The following MSI2 variants were observed in gnomAD, a reference collection of about 807,000 sequenced individuals.
MSI2 encodes RNA-binding protein Musashi homolog 2.
Under a neutral mutation model 45.6 loss-of-function variants are expected in MSI2, and 17 were observed. The observed-to-expected ratio is 0.37, with a 90% CI of 0.26 to 0.56. The LOEUF (loss-of-function observed/expected upper bound fraction) is 0.56, where lower values mean the gene tolerates loss of function less well. Among genes scored for constraint, MSI2 ranks in the 20% least tolerant of loss-of-function variants. The pLI is 0.77. For synonymous variants in MSI2, 156 were observed against 158.2 expected, an observed-to-expected ratio of 0.99 and a Z score of 0.11; for missense variants, 293 against 444.2, an observed-to-expected ratio of 0.66 and a Z score of 3.06.
upstream of MSI2, among the ~76,000 whole-genome samples, chr17:57,256,207 C>G (rs1007043626): frequency 6.6e-6 from 1 of 152,050 alleles, no homozygotes; most frequent in African/African-American, 2.4e-5. Context: ...CACCCGCCCC[C>G]CGCAGCCCAT....
intron 9 of MSI2, 181 bp downstream of exon 9, chr17:57,616,265 GTGTGTGTGTGCATGCA>G (rs1907685724): frequency 3.5e-6 from 2 of 571,568 alleles, no homozygotes; most frequent in Admixed American, 3.2e-5. Context: ...AAGTGTGGGT[GTGTGTGTGTGCATGCA>G]TGTGTGTGTG....
intron 6 of MSI2, among the ~76,000 whole-genome samples, chr17:57,512,572 G>T (rs532907391): frequency 6.6e-6 from 1 of 152,210 alleles, no homozygotes; most frequent in Non-Finnish European, 1.5e-5. Context: ...CTCAGAGGCC[G>T]CAGAGTCTTA....
At chr17:57,667,302 C>T (rs1053470270) in intron 11 of MSI2, among the ~76,000 whole-genome samples, 11 of 152,138 alleles carry the variant, frequency 7.2e-5, no homozygotes, top group Admixed American at 5.2e-4. Flanking sequence ...TAAAACACCG[C>T]CTGCTTCAGC....
At chr17:57,419,497 G>C (rs2084357381) in intron 6 of MSI2, among the ~76,000 whole-genome samples, 1 of 151,346 alleles carries the variant, frequency 6.6e-6, no homozygotes, top group African/African-American at 2.4e-5. Context: ...CGAGTAGCTG[G>C]GATTACAGGT....
At position 57,479,275 on chromosome 17, in the gene MSI2, A is replaced by C. The variant is rs184860583; in HGVS notation, c.406-50401A>C. On this transcript the variant is annotated intron_variant, in intron 6 of 13. Transcript: ENST00000284073. ...GGGCTTTGAGTGTTGGGGTTGAGGGAGAGGCAGCCCCTTTTGCCTTGCGTA... is the reference window on the plus strand; with the variant it reads ...GGGCTTTGAGTGTTGGGGTTGAGGGCGAGGCAGCCCCTTTTGCCTTGCGTA... 5.3e-3 allele frequency among the ~76,000 whole-genome samples: 800 copies of C among 152,268 alleles called. 15 individuals are homozygous for C. Among genetic ancestry groups the C allele is most frequent in the Non-Finnish European group, 3.6e-3 (242 of 68,032 alleles).
At chr17:57,281,483 G>C (rs1452194513) in intron 5 of MSI2, among the ~76,000 whole-genome samples, 1 of 151,996 alleles carries the variant, frequency 6.6e-6, no homozygotes, top group Non-Finnish European at 1.5e-5. Context: ...TTACTCTCCA[G>C]ATCCCTTCCA....
intron 6 of MSI2, chr17:57,432,546 T>C (rs1288424053): frequency 2.0e-5 from 3 of 152,418 alleles, no homozygotes; most frequent in African/African-American, 7.2e-5. Flanking sequence ...CTTAGAGATG[T>C]TTATGCTCAT....
intron 11 of MSI2, among the ~76,000 whole-genome samples, chr17:57,662,858 C>T (rs899684874): frequency 3.3e-5 from 5 of 152,226 alleles, no homozygotes; most frequent in Non-Finnish European, 5.9e-5. Context: ...GCACTCAGAC[C>T]AATGTCAGAC....
chr17:57,270,338 G>A (rs57281088), intron 5 of MSI2, among the ~76,000 whole-genome samples: 1,728 of 152,274 alleles, frequency 0.011, 35 homozygotes, highest in African/African-American at 0.04. Flanking sequence ...CATAGAACTA[G>A]TAAGGTTCAG....
Position 57,419,594 on chromosome 17 carries a change from G to A in MSI2, c.405+18123G>A, listed in dbSNP as rs988110605. On this transcript the variant is annotated intron_variant, in intron 6 of 13. Transcript: ENST00000284073. Reference sequence around the variant, plus strand: ...TCACCATGTTGGCCAGGCTGGTCTCGAACTCCTGACCTCAGGTGATCCACC... The same window carrying A: ...TCACCATGTTGGCCAGGCTGGTCTCAAACTCCTGACCTCAGGTGATCCACC... Among the ~76,000 whole-genome samples the A allele has an allele frequency of 4.0e-5, 6 of 150,502 alleles. No homozygotes were observed. The South Asian group carries it at 6.3e-4, about 16-fold the overall frequency.
intron 11 of MSI2, among the ~76,000 whole-genome samples, chr17:57,655,337 C>G (rs1414846993): frequency 6.6e-6 from 1 of 152,216 alleles, no homozygotes; most frequent in South Asian, 2.1e-4. Flanking sequence ...GTGGCCCCAT[C>G]ATGTCCCACC....
rs745740723 is a variant in MSI2, at chr17:57,453,671, C to G, written c.405+52200C>G. 4.5e-4 allele frequency among the ~76,000 whole-genome samples: 68 copies of G among 152,320 alleles called. 1 individual carries two copies. The Middle Eastern group carries it at 0.01, about 23-fold the overall frequency. The stretch of plus-strand genomic sequence containing the variant: ...ATTACTTCATTTAACCTATCTATGC[C>G]TAGTGTTCCATTATCGGAACGCCAA... On this transcript the variant is annotated intron_variant, in intron 6 of 13. Coordinates refer to ENST00000284073, the MANE Select transcript of MSI2 (RefSeq NM_138962.4).
intron 6 of MSI2, among the ~76,000 whole-genome samples, chr17:57,520,697 A>C (rs1019614504): frequency 1.3e-5 from 2 of 152,182 alleles, no homozygotes; most frequent in African/African-American, 4.8e-5. Flanking sequence ...TCTGTCGCCC[A>C]GGCTGGAGTG....
At chr17:57,457,251 G>A (rs2085133682) in intron 6 of MSI2, among the ~76,000 whole-genome samples, 1 of 152,146 alleles carries the variant, frequency 6.6e-6, no homozygotes, top group East Asian at 1.9e-4. Flanking sequence ...CCATTTCTCT[G>A]GACAGAATTG....
At chr17:57,696,333 A>C in the MSI2 span, among the ~76,000 whole-genome samples, 2 of 152,372 alleles carry the variant, frequency 1.3e-5, no homozygotes, top group South Asian at 4.1e-4. Flanking sequence ...TCCAGCCAAG[A>C]CAGACCATGG....
intron 7 of MSI2, among the ~76,000 whole-genome samples, chr17:57,580,764 T>TTCAAATAGGTGAGG (rs1466179643): frequency 6.6e-6 from 1 of 152,004 alleles, no homozygotes; most frequent in African/African-American, 2.4e-5. Context: ...ACTAGGTGAG[T>TTCAAATAGGTGAGG]TCAAATACAC....
At chr17:57,396,161 C>G (rs970709239) in intron 5 of MSI2, among the ~76,000 whole-genome samples, 7 of 152,128 alleles carry the variant, frequency 4.6e-5, no homozygotes, top group Non-Finnish European at 7.4e-5. Flanking sequence ...GTGGGCCTTT[C>G]TCATACTCAT....
intron 5 of MSI2, among the ~76,000 whole-genome samples, chr17:57,299,739 A>G (rs1427875641): frequency 6.6e-6 from 1 of 152,198 alleles, no homozygotes; most frequent in Non-Finnish European, 1.5e-5. Flanking sequence ...AAAGTTTGAA[A>G]TATTTTGAAA....
chr17:57,308,161 G>A (rs1912070889), intron 5 of MSI2, among the ~76,000 whole-genome samples: 1 of 152,124 alleles, frequency 6.6e-6, no homozygotes, highest in African/African-American at 2.4e-5. Context: ...AGTAATATCT[G>A]CCTCCCAATT....
Sources: allele counts gnomAD v4.1 joint callset (sites outside exome capture counted in the v4.1 genomes callset), GRCh38; gene constraint gnomAD v4.1.1; transcripts MANE v1.5; gene names NCBI Gene and HGNC (gene_info 2026-07-23, HGNC 2026-07-21).